The following COTL1 variants were observed in gnomAD, a reference collection of about 807,000 sequenced individuals.
COTL1 encodes coactosin like F-actin binding protein 1.
Under a neutral mutation model 16.5 loss-of-function variants are expected in COTL1, and 15 were observed. The ratio of observed to expected loss-of-function variants is 0.91; its 90% confidence interval spans 0.61 to 1.40. COTL1 has a LOEUF of 1.40. Among genes scored for constraint, COTL1 ranks in the 40% most tolerant of loss-of-function variants. The pLI, the probability that COTL1 is intolerant of heterozygous loss-of-function variation, is 0.00. For synonymous variants in COTL1, 112 were observed against 85.3 expected, an observed-to-expected ratio of 1.31 and a Z score of -1.73; for missense variants, 220 against 201.5, an observed-to-expected ratio of 1.09 and a Z score of -0.56.
chr16:84,566,916 G>A lies in COTL1; in HGVS notation c.358C>T (p.Leu120=). 1 of 1,613,964 alleles carries A rather than the reference G, an allele frequency of 6.2e-7. No homozygotes were observed. The change falls in exon 4 of 4, where the codon CTG becomes TTG. Residue 120 remains leucine (L), a synonymous_variant. Transcript: ENST00000262428. ...KEFVISDRKE[L]EEDFIKSELK... ...TCGCTCTTGATGAAATCTTCCTCCA[G>A]CTCCTTCCGATCACTGATCACAAAC...
intron 3 of COTL1, among the ~76,000 whole-genome samples, chr16:84,570,626 T>A (rs1000643215): frequency 3.3e-5 from 5 of 152,172 alleles, no homozygotes; most frequent in South Asian, 2.1e-4. Flanking sequence ...TAAAGCAAAC[T>A]GAGTCTCACA....
At chr16:84,576,356 G>A (rs1394960137) in intron 3 of COTL1, 1 of 152,202 alleles carries the variant, frequency 6.6e-6, no homozygotes, top group Non-Finnish European at 1.5e-5. Context: ...GTGAAGTCAG[G>A]AATGCATATT....
intron 2 of COTL1, among the ~76,000 whole-genome samples, chr16:84,601,719 G>A (rs532633666): frequency 6.6e-6 from 1 of 152,228 alleles, no homozygotes; most frequent in Non-Finnish European, 1.5e-5. Flanking sequence ...CTCCCAAAGT[G>A]CTGGGACTAC....
At chr16:84,589,136 C>T (rs1171979014) in intron 3 of COTL1, among the ~76,000 whole-genome samples, 1 of 151,694 alleles carries the variant, frequency 6.6e-6, no homozygotes, top group Non-Finnish European at 1.5e-5. Context: ...ATGCCTGGCT[C>T]ATTTTATTTT....
rs2967845 is a variant in COTL1 at position 84,579,618 on chromosome 16, G to T, written c.318+10487C>A. Among the ~76,000 whole-genome samples the T allele has an allele frequency of 2.0e-5, 3 of 152,268 alleles. No homozygotes were observed. The South Asian group carries it at 6.2e-4, about 32-fold the overall frequency. On this transcript the variant is annotated intron_variant, in intron 3 of 3. Transcript: ENST00000262428. Reference sequence around the variant, plus strand: ...GGGCAGACCCCTCTGTGTGAGGTGGGGGGTAGTGGCTGATCACTTAGCTCC... The same window carrying T: ...GGGCAGACCCCTCTGTGTGAGGTGGTGGGTAGTGGCTGATCACTTAGCTCC...
chr16:84,570,493 A>C (rs923938480), intron 3 of COTL1, among the ~76,000 whole-genome samples: 7 of 151,854 alleles, frequency 4.6e-5, no homozygotes, highest in Non-Finnish European at 8.8e-5. Context: ...CAAAAAAAAA[A>C]CCCTCAAACC....
intron 3 of COTL1, among the ~76,000 whole-genome samples, chr16:84,584,846 C>A (rs1242852529): frequency 6.6e-6 from 1 of 152,188 alleles, no homozygotes; most frequent in Non-Finnish European, 1.5e-5. Context: ...ATTGCCCTTA[C>A]TTTATACATC....
intron 3 of COTL1, among the ~76,000 whole-genome samples, chr16:84,582,100 G>C (rs1166001524): frequency 6.7e-6 from 1 of 148,328 alleles, no homozygotes. Context: ...CAATTCTCGT[G>C]CCTCAGCCTC....
chr16:84,573,766 C>T (rs71390481), intron 3 of COTL1, among the ~76,000 whole-genome samples: 40 of 61,536 alleles, frequency 6.5e-4, no homozygotes, highest in Admixed American at 3.8e-3. Flanking sequence ...TATATATATA[C>T]ATACACACAC....
chr16:84,566,516 C>A lies in COTL1; in HGVS notation c.*329G>T. 1 of 219,938 alleles carries A rather than the reference C, an allele frequency of 4.5e-6. No individual in the cohort carries two copies. The highest frequency in any genetic ancestry group is 1.7e-3 in the Middle Eastern group (1 of 606). 13.6% of individuals were successfully genotyped at this position (219,938 alleles called of 1,614,324 possible). A position where few individuals can be genotyped will look rare whatever the true frequency, so the allele number is the denominator to read the frequency against. ...ACCTCGTCGCGTGGAAGAGAAATGC[C>A]AGGAAAAGGGGTCACTGCAGGAGGC... On this transcript the variant is annotated 3_prime_UTR_variant, in exon 4 of 4. Transcript: ENST00000262428.
chr16:84,584,669 G>A (rs981404597), intron 3 of COTL1, among the ~76,000 whole-genome samples: 2 of 152,144 alleles, frequency 1.3e-5, no homozygotes, highest in African/African-American at 4.8e-5. Context: ...ATAATCTACA[G>A]TGTAGAAACA....
At chr16:84,597,128 G>C (rs1401075966) in intron 2 of COTL1, among the ~76,000 whole-genome samples, 1 of 152,204 alleles carries the variant, frequency 6.6e-6, no homozygotes, top group African/African-American at 2.4e-5. Flanking sequence ...TCTGCATCCA[G>C]CTCTGGGTTT....
At chr16:84,586,641 C>A (rs1215756323) in intron 3 of COTL1, among the ~76,000 whole-genome samples, 2 of 152,170 alleles carry the variant, frequency 1.3e-5, no homozygotes, top group Non-Finnish European at 2.9e-5. Context: ...CAGAGTCTTG[C>A]TGCAATCTCG....
At chr16:84,591,991 A>G (rs1904881498) in intron 2 of COTL1, among the ~76,000 whole-genome samples, 1 of 152,244 alleles carries the variant, frequency 6.6e-6, no homozygotes, top group African/African-American at 2.4e-5. Context: ...CTCAACTGGC[A>G]TCTGGGGCCA....
intron 3 of COTL1, among the ~76,000 whole-genome samples, chr16:84,589,222 A>G (rs1286343323): frequency 1.3e-5 from 2 of 151,980 alleles, no homozygotes; most frequent in East Asian, 3.8e-4. Context: ...CAATCCTCCC[A>G]CCTCAGCCTT....
intron 3 of COTL1, among the ~76,000 whole-genome samples, chr16:84,581,408 T>A (rs561120802): frequency 5.3e-4 from 80 of 152,330 alleles, no homozygotes; most frequent in African/African-American, 1.9e-3. Context: ...ACTCATGCTT[T>A]GCAAGGGGGA....
At position 84,566,917 on chromosome 16, in the gene COTL1, C is replaced by CT; in HGVS notation, c.356dup (p.Leu120AlafsTer89). 7.4e-6 allele frequency: 12 copies of CT among 1,614,068 alleles called. No individual in the cohort carries two copies. Among genetic ancestry groups the CT allele is most frequent in the Non-Finnish European group, 9.3e-6 (11 of 1,179,936 alleles). On this transcript the variant is annotated frameshift_variant, in exon 4 of 4. Transcript: ENST00000262428. LOFTEE classifies it high-confidence loss of function. ...CGCTCTTGATGAAATCTTCCTCCAGCTCCTTCCGATCACTGATCACAAACT... is the reference window on the plus strand; with the variant it reads ...CGCTCTTGATGAAATCTTCCTCCAGCTTCCTTCCGATCACTGATCACAAACT...
chr16:84,595,575 C>T (rs1412356128), intron 2 of COTL1: 2 of 152,196 alleles, frequency 1.3e-5, no homozygotes, highest in African/African-American at 4.8e-5. Flanking sequence ...GTCCACAAAC[C>T]CCAGTGGCAG....
At chr16:84,602,671 C>G (rs1425178649) in intron 2 of COTL1, among the ~76,000 whole-genome samples, 1 of 151,976 alleles carries the variant, frequency 6.6e-6, no homozygotes, top group African/African-American at 2.4e-5. Context: ...CCTGGCCAAC[C>G]CGGCAAAACC....
Sources: allele counts gnomAD v4.1 joint callset (sites outside exome capture counted in the v4.1 genomes callset), GRCh38; gene constraint gnomAD v4.1.1; transcripts MANE v1.5; gene names NCBI Gene and HGNC (gene_info 2026-07-23, HGNC 2026-07-21).